The following P3H3 variants were observed in gnomAD, a reference collection of about 807,000 sequenced individuals.
P3H3 encodes prolyl 3-hydroxylase 3, also known as gene rich cluster, B.
P3H3 carries 64 observed loss-of-function variants against 78.1 expected under a neutral mutation model. The ratio of observed to expected loss-of-function variants is 0.82; its 90% CI spans 0.67 to 1.01. The LOEUF (loss-of-function observed/expected upper bound fraction) is 1.01. Among genes scored for constraint, P3H3 ranks in the 50% least tolerant of loss-of-function variants. The probability of loss-of-function intolerance (pLI) is 0.00; values close to 1 mark genes in which losing one functional copy is unlikely to be tolerated. For synonymous variants in P3H3, 425 were observed against 416.7 expected (o/e 1.02, Z -0.24); for missense variants, 975 against 982.2 (o/e 0.99, Z 0.10).
chr12:6,837,824 C>T lies in P3H3; in HGVS notation c.1804C>T (p.Pro602Ser). 1 of 1,611,890 alleles carries T rather than the reference C, an allele frequency of 6.2e-7. No homozygotes were observed. The highest frequency in any genetic ancestry group is 8.5e-7 in the Non-Finnish European group (1 of 1,179,110). The change falls in exon 12 of 15, where the codon CCA becomes TCA. Residue 602 changes from proline to serine, a missense_variant. Coordinates refer to ENST00000290510, the MANE Select transcript of P3H3 (RefSeq NM_014262.5). ...CACGGGAGAGTGCTGGCGGGAGCCCCCAGCCTACACCTATCGGGACTACAG... is the reference window on the plus strand; with the variant it reads ...CACGGGAGAGTGCTGGCGGGAGCCCTCAGCCTACACCTATCGGGACTACAG... ...PDTGECWREP[P>S]AYTYRDYSGL...
chr12:6,838,068 G>A (rs782567253), intron 13 of P3H3, 35 bp downstream of exon 13: 1 of 1,572,326 alleles, frequency 6.4e-7, no homozygotes. Flanking sequence ...GTGTGACAAA[G>A]GGCCCAGCTG....
rs1943425802 is a variant in P3H3 at position 6,829,673 on chromosome 12, G to A, written c.499-186G>A. On this transcript the variant is annotated intron_variant, in intron 1 of 14. Coordinates refer to ENST00000290510, the MANE Select transcript of P3H3 (RefSeq NM_014262.5). The surrounding 1 kb of genome is among the most constrained non-coding windows in gnomAD (Gnocchi z 5.1). Reference sequence around the variant, plus strand: ...TTCCCTCGGTGCCAGCCTTCTGAGAGTCCCAACGTTCTGGCCTCTAGGGGA... The same window carrying A: ...TTCCCTCGGTGCCAGCCTTCTGAGAATCCCAACGTTCTGGCCTCTAGGGGA... The A allele has an allele frequency of 3.2e-6, 2 of 633,334 alleles. No homozygotes were observed. Among genetic ancestry groups the A allele is most frequent in the African/African-American group, 3.7e-5 (2 of 54,080 alleles). 39.2% of individuals were successfully genotyped at this position (633,334 alleles called of 1,614,324 possible).
intron 9 of P3H3, among the ~76,000 whole-genome samples, chr12:6,836,471 G>T (rs781785254): frequency 2.6e-5 from 4 of 152,292 alleles, no homozygotes; most frequent in South Asian, 4.1e-4. Flanking sequence ...ATCAAGGAGT[G>T]GGGGAGCCAC....
intron 6 of P3H3, among the ~76,000 whole-genome samples, chr12:6,832,261 C>A (rs892049080): frequency 6.6e-6 from 1 of 152,200 alleles, no homozygotes; most frequent in Non-Finnish European, 1.5e-5. Flanking sequence ...GCTTTTATTT[C>A]TCTTCTTGTA....
At chr12:6,830,114 G>A in intron 2 of P3H3, 103 bp downstream of exon 2, 1 of 1,455,772 alleles carries the variant, frequency 6.9e-7, no homozygotes, top group Non-Finnish European at 9.4e-7. Context: ...ATACAGATGG[G>A]GTAATGATCC....
At position 6,837,807 on chromosome 12, in the gene P3H3, A is replaced by G. The variant is rs1555122422; in HGVS notation, c.1787A>G (p.Glu596Gly). The change falls in exon 12 of 15, where the codon GAG becomes GGG. Residue 596 changes from glutamate (E) to glycine (G), a missense_variant. Transcript: ENST00000290510. ...DNCVLDPDTG[E>G]CWREPPAYTY... is the part of the protein sequence containing the mutation. Reference sequence around the variant, plus strand: ...TGCGTCCTGGACCCTGACACGGGAGAGTGCTGGCGGGAGCCCCCAGCCTAC... The same window carrying G: ...TGCGTCCTGGACCCTGACACGGGAGGGTGCTGGCGGGAGCCCCCAGCCTAC... 6.2e-7 allele frequency: 1 copy of G among 1,613,148 alleles called. No homozygotes were observed. Among genetic ancestry groups the G allele is most frequent in the Admixed American group, 1.7e-5 (1 of 59,916 alleles).
In P3H3 at chr12:6,829,931, C is replaced by G; in HGVS notation, c.571C>G (p.Arg191Gly). The G allele has an allele frequency of 2.5e-6, 4 of 1,614,018 alleles. No homozygotes were observed. Among genetic ancestry groups the G allele is most frequent in the Non-Finnish European group, 3.4e-6 (4 of 1,179,878 alleles). The change falls in exon 2 of 15, where the codon CGG (arginine) becomes GGG (glycine). Residue 191 changes from arginine to glycine, a missense_variant. Arg to Gly is a moderately radical substitution (Grantham distance 125). Coordinates refer to ENST00000290510, the MANE Select transcript of P3H3 (RefSeq NM_014262.5). This position sits in a 1 kb window ranked among gnomAD's most constrained non-coding sequence, Gnocchi z 5.1. The stretch of plus-strand genomic sequence containing the variant: ...AGCAAACCCCATGCACCTGCAGATG[C>G]GGGAGGACATGGCTAAGTACAGACG... Reference protein sequence around the residue: ...FVANPMHLQMREDMAKYRRMS... With the variant: ...FVANPMHLQMGEDMAKYRRMS...
intron 2 of P3H3, 110 bp downstream of exon 2, chr12:6,830,121 A>C: frequency 3.6e-6 from 5 of 1,388,758 alleles, no homozygotes; most frequent in Non-Finnish European, 5.0e-6. Context: ...TGGGGTAATG[A>C]TCCTCAGCGA....
chr12:6,831,188 A>G lies in P3H3; in HGVS notation c.986-28A>G, dbSNP rs1555121361. The G allele has an allele frequency of 2.5e-6, 4 of 1,612,802 alleles. No individual in the cohort carries two copies. Among genetic ancestry groups the G allele is most frequent in the East Asian group, 2.2e-5 (1 of 44,836 alleles). On this transcript the variant is annotated intron_variant, in intron 4 of 14. Transcript: ENST00000290510. This position sits in a 1 kb window ranked among gnomAD's most constrained non-coding sequence, Gnocchi z 4.6. ...ATGTGCTCTAAGTATTCATCCCCCAACCCCTGACCTTGTCGCTCCCTCTCC... is the reference window on the plus strand; with the variant it reads ...ATGTGCTCTAAGTATTCATCCCCCAGCCCCTGACCTTGTCGCTCCCTCTCC...
chr12:6,833,854 G>C lies in P3H3; in HGVS notation c.1333+45G>C, dbSNP rs782708314. The C allele has an allele frequency of 8.1e-6, 13 of 1,612,992 alleles. No individual in the cohort carries two copies. In the Admixed American group the frequency reaches 2.2e-4, roughly 27 times the overall value. On this transcript the variant is annotated intron_variant, in intron 8 of 14. Transcript: ENST00000290510. The stretch of plus-strand genomic sequence containing the variant: ...AAGGCAGGAGCCTGGAGGGTCTGGG[G>C]GCTGCCAGCTACTGCTCTGCCTGCC...
chr12:6,837,998 C>G lies in P3H3; in HGVS notation c.1870C>G (p.Leu624Val). 1 of 1,608,594 alleles carries G rather than the reference C, an allele frequency of 6.2e-7. No homozygotes were observed. The highest frequency in any genetic ancestry group is 8.5e-7 in the Non-Finnish European group (1 of 1,177,346). The change falls in exon 13 of 15, where the codon CTG becomes GTG. Residue 624 changes from leucine to valine, a missense_variant. Transcript: ENST00000290510. Reference sequence around the variant, plus strand: ...CAACGATGACTTCCAGGGTGGGGACCTGTTCTTCACGGAGCCCAACGCCCT... The same window carrying G: ...CAACGATGACTTCCAGGGTGGGGACGTGTTCTTCACGGAGCCCAACGCCCT... The part of the protein sequence containing the change: ...YLNDDFQGGD[L>V]FFTEPNALTV...
chr12:6,838,997 C>T lies in P3H3; in HGVS notation c.1906-3C>T, dbSNP rs1555122625. Reference sequence around the variant, plus strand: ...GGAGCTGAACCTGCCCTCATCCCTCCAGGCTCGGGTGCGTCCTCGCTGTGG... The same window carrying T: ...GGAGCTGAACCTGCCCTCATCCCTCTAGGCTCGGGTGCGTCCTCGCTGTGG... On this transcript the variant is annotated splice_region_variant and splice_polypyrimidine_tract_variant and intron_variant, in intron 13 of 14. Transcript: ENST00000290510. 6.3e-7 allele frequency: 1 copy of T among 1,585,762 alleles called. No homozygotes were observed. Among genetic ancestry groups the T allele is most frequent in the Admixed American group, 1.8e-5 (1 of 56,230 alleles).
intron 9 of P3H3, among the ~76,000 whole-genome samples, chr12:6,835,514 G>A (rs1266932759): frequency 6.6e-6 from 1 of 152,032 alleles, no homozygotes; most frequent in Admixed American, 6.5e-5. Flanking sequence ...GACCCAGGAG[G>A]CGGAGGTCGC....
In P3H3 at chr12:6,831,899, C is replaced by A. The variant is rs1943454320; in HGVS notation, c.1197C>A (p.Thr399=). The A allele has an allele frequency of 2.5e-6, 4 of 1,599,894 alleles. No individual in the cohort carries two copies. In the East Asian group the frequency reaches 9.0e-5, roughly 36 times the overall value. The change falls in exon 6 of 15, where the codon ACC becomes ACA. Residue 399 remains threonine (T), a synonymous_variant. Coordinates refer to ENST00000290510, the MANE Select transcript of P3H3 (RefSeq NM_014262.5). This position sits in a 1 kb window ranked among gnomAD's most constrained non-coding sequence, Gnocchi z 4.6. ...QLYYAMEHLG[T]SFKDPDPWTP... is the part of the protein sequence containing the mutation. ...ACTATGCCATGGAGCACCTGGGGACCAGCTTCAAGGATCCTGTGAGTCACT... is the reference window on the plus strand; with the variant it reads ...ACTATGCCATGGAGCACCTGGGGACAAGCTTCAAGGATCCTGTGAGTCACT...
chr12:6,828,525 T>C lies in P3H3; in HGVS notation c.85T>C (p.Ser29Pro), dbSNP rs1943406219. The C allele has an allele frequency of 3.9e-6, 5 of 1,275,228 alleles. No homozygotes were observed. The highest frequency in any genetic ancestry group is 2.9e-4 in the Middle Eastern group (1 of 3,488). 79.0% of individuals were successfully genotyped at this position (1,275,228 alleles called of 1,614,324 possible). Reference sequence around the variant, plus strand: ...TGAGCCCCCCGGCCTGACCCAGCTGTCCCCGGGGGCGCCCCCGCAGGCCCC... The same window carrying C: ...TGAGCCCCCCGGCCTGACCCAGCTGCCCCCGGGGGCGCCCCCGCAGGCCCC... Reference protein sequence around the residue: ...SPEPPGLTQLSPGAPPQAPDL... With the variant: ...SPEPPGLTQLPPGAPPQAPDL... The change falls in exon 1 of 15, where the codon TCC becomes CCC. Residue 29 changes from serine to proline, a missense_variant. Ser to Pro is a moderately conservative substitution (Grantham distance 74). Transcript: ENST00000290510.
rs782177257 is a variant in P3H3, at chr12:6,830,575, G to A, written c.853+21G>A. 27 of 1,579,910 alleles carry A rather than the reference G, an allele frequency of 1.7e-5. No individual in the cohort carries two copies. In the East Asian group the frequency reaches 5.7e-4, roughly 33 times the overall value. ...TGCAGGTAAGGGTCCCGTGTGTGAG[G>A]GGGTGGGTCGGTGCCCAGGGAGGGG... On this transcript the variant is annotated intron_variant, in intron 3 of 14. Transcript: ENST00000290510.
Position 6,830,469 on chromosome 12 carries a change from CTG to C in P3H3, c.771_772del (p.Cys257Ter), listed in dbSNP as rs1473452649. On this transcript the variant is annotated frameshift_variant, in exon 3 of 15. Coordinates refer to ENST00000290510, the MANE Select transcript of P3H3 (RefSeq NM_014262.5). LOFTEE classifies it high-confidence loss of function. ...CCCAGATGGAGAGCTGCCGTGCTGA[CTG>C]TGAGGGGCCTGAGGAGCAGCAGGGG... Reference protein sequence around the residue: ...LAQMESCRADCEGPEEQQGAE... With the variant: ...LAQMESCRADXEGPEEQQGAE... 1.3e-6 allele frequency: 2 copies of C among 1,588,298 alleles called. No individual in the cohort carries two copies. The highest frequency in any genetic ancestry group is 1.3e-5 in the African/African-American group (1 of 74,404).
In P3H3 at chr12:6,831,348, G is replaced by C. The variant is rs782762812; in HGVS notation, c.1118G>C (p.Arg373Thr). The C allele has an allele frequency of 6.2e-7, 1 of 1,613,750 alleles. No homozygotes were observed. The highest frequency in any genetic ancestry group is 1.7e-5 in the Admixed American group (1 of 60,014). ...GAGCCGAGACCTGGCCTCGGACCCA[G>C]AGAGGTAATCCCCTCTCCACGCTCA... ...LGEPRPGLGP[R>T]EDIQRFILRS... The change falls in exon 5 of 15, where the codon AGA (arginine) becomes ACA (threonine). Residue 373 changes from arginine to threonine, a missense_variant. By Grantham distance (71) the Arg-to-Thr change is moderately conservative. Coordinates refer to ENST00000290510, the MANE Select transcript of P3H3 (RefSeq NM_014262.5). This position sits in a 1 kb window ranked among gnomAD's most constrained non-coding sequence, Gnocchi z 4.6.
Position 6,833,917 on chromosome 12 carries a change from C to A in P3H3, c.1334-8C>A. Reference sequence around the variant, plus strand: ...TCAGCCCCCTCTGCTCTGTCTTTTCCCTGGCAGATGTCCTTCTCCTGGAGG... The same window carrying A: ...TCAGCCCCCTCTGCTCTGTCTTTTCACTGGCAGATGTCCTTCTCCTGGAGG... On this transcript the variant is annotated splice_polypyrimidine_tract_variant and splice_region_variant and intron_variant, in intron 8 of 14. Coordinates refer to ENST00000290510, the MANE Select transcript of P3H3 (RefSeq NM_014262.5). The A allele has an allele frequency of 6.2e-7, 1 of 1,613,964 alleles. No individual in the cohort carries two copies.
Sources: allele counts gnomAD v4.1 joint callset (sites outside exome capture counted in the v4.1 genomes callset), GRCh38; gene constraint gnomAD v4.1.1; non-coding constraint Gnocchi (gnomAD v3.1); transcripts MANE v1.5; gene names NCBI Gene and HGNC (gene_info 2026-07-23, HGNC 2026-07-21).